Variants in SHISA6 observed in about 807,000 individuals in gnomAD.
The protein encoded by SHISA6 is shisa family member 6.
Under a neutral mutation model 47.9 loss-of-function variants are expected in SHISA6, and 22 were observed. That is an observed-to-expected ratio of 0.46 (90% CI 0.33 to 0.66). The LOEUF is 0.66. Among genes scored for constraint, SHISA6 ranks in the 30% least tolerant of loss-of-function variants. The pLI, the probability that SHISA6 is intolerant of heterozygous loss-of-function variation, is 0.02. For synonymous variants in SHISA6, 388 were observed against 337.8 expected, an observed-to-expected ratio of 1.15 and a Z score of -1.63; for missense variants, 680 against 764.6, an observed-to-expected ratio of 0.89 and a Z score of 1.30.
At chr17:11,511,399 C>G (rs2071540288) in intron 3 of SHISA6, among the ~76,000 whole-genome samples, 1 of 152,046 alleles carries the variant, frequency 6.6e-6, no homozygotes, top group African/African-American at 2.4e-5. Context: ...ACATGTATAC[C>G]TGTGTAACAA....
At chr17:11,257,936 T>G (rs1355840722) in intron 1 of SHISA6, among the ~76,000 whole-genome samples, 2 of 152,216 alleles carry the variant, frequency 1.3e-5, no homozygotes. Context: ...TACTTAGGTT[T>G]TCATCTGTGA....
chr17:11,300,149 C>CAAAAAAAAAAA (rs56060137), intron 2 of SHISA6, among the ~76,000 whole-genome samples: 2 of 129,170 alleles, frequency 1.5e-5, no homozygotes, highest in Non-Finnish European at 3.2e-5. Context: ...CATCTTAAAA[C>CAAAAAAAAAAA]AAAAAAAAAA....
At chr17:11,325,646 C>T (rs1028302064) in intron 2 of SHISA6, among the ~76,000 whole-genome samples, 10 of 150,774 alleles carry the variant, frequency 6.6e-5, no homozygotes, top group African/African-American at 1.7e-4. Context: ...TGTACTTTCA[C>T]GTTTTATAGT....
intron 3 of SHISA6, among the ~76,000 whole-genome samples, chr17:11,475,402 T>A (rs1303977): frequency 0.18 from 26,818 of 152,136 alleles, 2,556 homozygotes; most frequent in Middle Eastern, 0.29. Flanking sequence ...TTGAATGTGA[T>A]GTTAGCTATA....
At chr17:11,553,870 G>A (rs1302750610) in intron 4 of SHISA6, among the ~76,000 whole-genome samples, 1 of 152,182 alleles carries the variant, frequency 6.6e-6, no homozygotes, top group Admixed American at 6.5e-5. Flanking sequence ...ATTGTCGTTG[G>A]CTAAAAAGAT....
intron 2 of SHISA6, among the ~76,000 whole-genome samples, chr17:11,282,019 G>C (rs1299168922): frequency 6.6e-6 from 1 of 152,056 alleles, no homozygotes; most frequent in Admixed American, 6.5e-5. Context: ...TTCAATCTTT[G>C]CTTGGTCTCT....
intron 3 of SHISA6, among the ~76,000 whole-genome samples, chr17:11,459,766 G>A (rs1915650374): frequency 6.6e-6 from 1 of 152,164 alleles, no homozygotes; most frequent in Non-Finnish European, 1.5e-5. Context: ...CGATCACTGG[G>A]TTGTATTCAG....
intron 2 of SHISA6, among the ~76,000 whole-genome samples, chr17:11,308,913 A>G (rs1024220739): frequency 2.6e-5 from 4 of 152,188 alleles, no homozygotes; most frequent in Non-Finnish European, 5.9e-5. Context: ...TTCACCAGAT[A>G]CTAAACTTCC....
chr17:11,319,454 T>C (rs1421609821), intron 2 of SHISA6, among the ~76,000 whole-genome samples: 1 of 152,232 alleles, frequency 6.6e-6, no homozygotes, highest in African/African-American at 2.4e-5. Context: ...ATACTGATTT[T>C]ACTTGTTTTA....
intron 1 of SHISA6, among the ~76,000 whole-genome samples, chr17:11,245,341 A>G (rs1056235123): frequency 7.9e-5 from 12 of 152,112 alleles, no homozygotes; most frequent in African/African-American, 2.9e-4. Context: ...CCTTCTTCCA[A>G]ACTGCCCGGG....
At chr17:11,440,013 A>G (rs1334285592) in intron 3 of SHISA6, among the ~76,000 whole-genome samples, 3 of 152,198 alleles carry the variant, frequency 2.0e-5, no homozygotes, top group Non-Finnish European at 4.4e-5. Context: ...GTGCACCCCA[A>G]ATAAACAGGA....
At chr17:11,286,256 C>G (rs1230561291) in intron 2 of SHISA6, among the ~76,000 whole-genome samples, 1 of 152,168 alleles carries the variant, frequency 6.6e-6, no homozygotes, top group African/African-American at 2.4e-5. Flanking sequence ...TCTGTGTGTC[C>G]TTCCCTACTG....
At chr17:11,286,001 T>C (rs1909285832) in intron 2 of SHISA6, among the ~76,000 whole-genome samples, 2 of 152,072 alleles carry the variant, frequency 1.3e-5, no homozygotes. Context: ...CACGCCTGGC[T>C]AATATTTTGT....
At chr17:11,501,436 G>A (rs2071452209) in intron 3 of SHISA6, among the ~76,000 whole-genome samples, 1 of 152,144 alleles carries the variant, frequency 6.6e-6, no homozygotes, top group Non-Finnish European at 1.5e-5. Context: ...TGCTGCTGGA[G>A]AGCCAAGCAA....
intron 2 of SHISA6, among the ~76,000 whole-genome samples, chr17:11,316,690 G>A (rs929457593): frequency 8.6e-5 from 13 of 151,994 alleles, no homozygotes; most frequent in African/African-American, 3.1e-4. Context: ...AAAGTGTTGG[G>A]ATTATAGGAG....
chr17:11,291,364 G>C (rs978564159), intron 2 of SHISA6, among the ~76,000 whole-genome samples: 1 of 151,802 alleles, frequency 6.6e-6, no homozygotes, highest in Non-Finnish European at 1.5e-5. Flanking sequence ...CACGGATTTT[G>C]GTGGCTTACA....
rs1206328396 is a variant in SHISA6, at chr17:11,405,792, C to CA, written c.895+26294dup. Among the ~76,000 whole-genome samples, 510 of 130,950 alleles carry CA rather than the reference C, an allele frequency of 3.9e-3. 3 individuals carry two copies. The highest frequency in any genetic ancestry group is 0.011 in the African/African-American group (398 of 35,466). 85.9% of individuals were successfully genotyped at this position (130,950 alleles called of 152,430 possible). ...TGGGTGACAGAGCAAAGCTCTGTCT[C>CA]AAAAAAAAAAAGAAAAGAAAAAAAA... On this transcript the variant is annotated intron_variant, in intron 3 of 5. Coordinates refer to ENST00000441885, the MANE Select transcript of SHISA6 (RefSeq NM_207386.4).
rs2072034332 is a variant in SHISA6 at position 11,560,663 on chromosome 17, C to T, written c.*2359C>T. The T allele has an allele frequency of 6.6e-6, 1 of 152,236 alleles. No homozygotes were observed. The highest frequency in any genetic ancestry group is 2.4e-5 in the African/African-American group (1 of 41,432). 9.4% of individuals were successfully genotyped at this position (152,236 alleles called of 1,614,324 possible). On this transcript the variant is annotated 3_prime_UTR_variant, in exon 6 of 6. Transcript: ENST00000441885. Reference sequence around the variant, plus strand: ...CATCTCCAGTGTCAAAGCTTCTCAGCACCAAGTTCTCCAGCCCCCAGGGTG... The same window carrying T: ...CATCTCCAGTGTCAAAGCTTCTCAGTACCAAGTTCTCCAGCCCCCAGGGTG...
intron 2 of SHISA6, among the ~76,000 whole-genome samples, chr17:11,316,066 A>G (rs1026358604): frequency 1.3e-5 from 2 of 152,128 alleles, no homozygotes; most frequent in African/African-American, 4.8e-5. Flanking sequence ...CTTCATTGCT[A>G]CTGACACATT....
Sources: gnomAD v4.1 joint callset for allele counts (sites outside exome capture counted in the v4.1 genomes callset) on GRCh38, gnomAD v4.1.1 for gene constraint, MANE v1.5 for transcripts, NCBI Gene and HGNC (gene_info 2026-07-23, HGNC 2026-07-21) for gene names.